The following PGC variants were observed in gnomAD, a reference collection of about 807,000 sequenced individuals.
The protein encoded by PGC is progastricsin.
In PGC, 31 loss-of-function variants were observed where a neutral mutation model predicts 45.9. That is an observed-to-expected ratio of 0.67 (90% confidence interval 0.51 to 0.91). The LOEUF is 0.91. Among genes scored for constraint, PGC ranks in the 40% least tolerant of loss-of-function variants. PGC has a pLI of 0.00. For missense variants in PGC, 477 were observed against 493.2 expected, an observed-to-expected ratio of 0.97 and a Z score of 0.31; for synonymous variants, 192 against 201.8, an observed-to-expected ratio of 0.95 and a Z score of 0.41.
At chr6:41,741,310 G>C (rs1771819931) in intron 5 of PGC, 1 of 1,213,878 alleles carries the variant, frequency 8.2e-7, no homozygotes, top group Non-Finnish European at 1.1e-6. Flanking sequence ...TTGAACTTCA[G>C]ATTCCCCAGA....
rs1467064121 is a variant in PGC, at chr6:41,747,365, G to A, written c.-31C>T. On this transcript the variant is annotated 5_prime_UTR_variant, in exon 1 of 9. Coordinates refer to ENST00000373025, the MANE Select transcript of PGC (RefSeq NM_002630.4). Reference sequence around the variant, plus strand: ...TGGTCCCCAACTGGCCACAGAGGAAGAGCAGCTCTGAGTTCTGCAGTCGCA... The same window carrying A: ...TGGTCCCCAACTGGCCACAGAGGAAAAGCAGCTCTGAGTTCTGCAGTCGCA... 1 of 1,594,002 alleles carries A rather than the reference G, an allele frequency of 6.3e-7. No individual in the cohort carries two copies. Among genetic ancestry groups the A allele is most frequent in the Admixed American group, 1.7e-5 (1 of 59,976 alleles).
chr6:41,741,174 G>A, intron 5 of PGC: 1 of 1,534,664 alleles, frequency 6.5e-7, no homozygotes, highest in South Asian at 1.2e-5. Flanking sequence ...GATATTCCAT[G>A]TTTGTTCCAG....
In PGC at chr6:41,744,437, G is replaced by C; in HGVS notation, c.288C>G (p.Asn96Lys). ...GGCAGTAGACAGAGGGCACCCACAA[G>C]TTGGAGGAGCCGGTGTCAAAAAGGA... Reference protein sequence around the residue: ...FLVLFDTGSSNLWVPSVYCQS... With the variant: ...FLVLFDTGSSKLWVPSVYCQS... The change falls in exon 3 of 9, where the codon AAC (asparagine) becomes AAG (lysine). Residue 96 changes from asparagine (N) to lysine (K), a missense_variant. By Grantham distance (94) the Asn-to-Lys change is moderately conservative. Transcript: ENST00000373025. This position sits in a 1 kb window ranked among gnomAD's most constrained non-coding sequence, Gnocchi z 4.4. The C allele has an allele frequency of 6.2e-7, 1 of 1,613,304 alleles. No individual in the cohort carries two copies. Among genetic ancestry groups the C allele is most frequent in the Non-Finnish European group, 8.5e-7 (1 of 1,179,908 alleles).
chr6:41,741,344 T>C (rs1163612250), intron 5 of PGC: 2 of 979,478 alleles, frequency 2.0e-6, no homozygotes, highest in East Asian at 2.8e-5. Flanking sequence ...GCTAACTGTC[T>C]CTAGAAAGTG....
At chr6:41,738,154 ATACATATATATG>A (rs1561879630) in intron 7 of PGC, among the ~76,000 whole-genome samples, 32 of 40,166 alleles carry the variant, frequency 8.0e-4, no homozygotes, top group African/African-American at 2.3e-3. Context: ...GCATATATAT[ATACATATATATG>A]CATATATATA....
chr6:41,745,106 C>T (rs1296464879), intron 1 of PGC, among the ~76,000 whole-genome samples: 1 of 152,126 alleles, frequency 6.6e-6, no homozygotes, highest in Non-Finnish European at 1.5e-5. Flanking sequence ...GAAAACCATT[C>T]ATTTCACCAT....
At chr6:41,741,723 C>T in intron 5 of PGC, 1 of 1,002,152 alleles carries the variant, frequency 1.0e-6, no homozygotes, top group Admixed American at 2.1e-5. Flanking sequence ...AGGCCCCAGG[C>T]CGCTCACCCC....
Position 41,744,142 on chromosome 6 carries a change from A to G in PGC, c.328+255T>C, listed in dbSNP as rs182805251. Among the ~76,000 whole-genome samples, 95 of 152,244 alleles carry G rather than the reference A, an allele frequency of 6.2e-4. No homozygotes were observed. The highest frequency in any genetic ancestry group is 2.0e-3 in the African/African-American group (84 of 41,554). On this transcript the variant is annotated intron_variant, in intron 3 of 8. Transcript: ENST00000373025. The surrounding 1 kb of genome is among the most constrained non-coding windows in gnomAD (Gnocchi z 4.4). ...TAAACAGAATGGGGAGAGTGGAATA[A>G]AAGGGAGTGGGGAGTTAGGGGCTGG...
intron 1 of PGC, among the ~76,000 whole-genome samples, chr6:41,746,121 C>G (rs940521391): frequency 1.3e-5 from 2 of 151,850 alleles, no homozygotes. Flanking sequence ...GAGATCGCGC[C>G]ATTGCACTGC....
chr6:41,736,767 A>T lies in PGC; in HGVS notation c.*85T>A, dbSNP rs1167190823. The T allele has an allele frequency of 7.3e-7, 1 of 1,365,954 alleles. No homozygotes were observed. Among genetic ancestry groups the T allele is most frequent in the Non-Finnish European group, 1.0e-6 (1 of 954,358 alleles). 84.6% of individuals were successfully genotyped at this position (1,365,954 alleles called of 1,614,324 possible). ...CCAGAGTCCAGAAAAAGAAGGCTGA[A>T]TCCAGAGTGGAAAGACAGATACAAT... is the stretch of plus-strand genomic sequence containing the variant. On this transcript the variant is annotated 3_prime_UTR_variant, in exon 9 of 9. Transcript: ENST00000373025.
chr6:41,738,219 T>TATATGC lies in PGC; in HGVS notation c.916-392_916-391insGCATAT, dbSNP rs1160204706. On this transcript the variant is annotated intron_variant, in intron 7 of 8. Coordinates refer to ENST00000373025, the MANE Select transcript of PGC (RefSeq NM_002630.4). ...ATATATATGCATATATATATGCATA[T>TATATGC]ATATATGCATATATATATGTATATA... is the stretch of plus-strand genomic sequence containing the variant. Among the ~76,000 whole-genome samples, 81 of 44,598 alleles carry TATATGC rather than the reference T, an allele frequency of 1.8e-3. 3 individuals are homozygous for TATATGC. Among genetic ancestry groups the TATATGC allele is most frequent in the African/African-American group, 5.9e-3 (77 of 13,156 alleles). 29.3% of individuals were successfully genotyped at this position (44,598 alleles called of 152,430 possible). A position where few individuals can be genotyped will look rare whatever the true frequency, so the allele number is the denominator to read the frequency against.
chr6:41,738,989 A>G (rs1363676112), intron 7 of PGC, among the ~76,000 whole-genome samples: 1 of 152,126 alleles, frequency 6.6e-6, no homozygotes, highest in African/African-American at 2.4e-5. Context: ...ACAAAAAAAA[A>G]AGAAAAACAC....
At chr6:41,747,254 A>G in intron 1 of PGC, 22 bp downstream of exon 1, 1 of 1,609,908 alleles carries the variant, frequency 6.2e-7, no homozygotes, top group African/African-American at 1.3e-5. Flanking sequence ...TCCCTGCACC[A>G]GCAGCCAGAT....
chr6:41,742,174 G>T, intron 5 of PGC, 116 bp downstream of exon 5: 1 of 933,946 alleles, frequency 1.1e-6, no homozygotes, highest in Non-Finnish European at 1.7e-6. Context: ...ACTGACTGGA[G>T]CCAGATGCCC....
chr6:41,737,973 G>A (rs1310482946), intron 7 of PGC, 145 bp from the exon 8 acceptor site: 2 of 594,826 alleles, frequency 3.4e-6, no homozygotes, highest in Non-Finnish European at 6.1e-6. Context: ...AGCTCCAAGG[G>A]AAAGTCCTGT....
rs774391497 is a variant in PGC at position 41,747,317 on chromosome 6, C to G, written c.18G>C (p.Val6=). 1 of 1,613,824 alleles carries G rather than the reference C, an allele frequency of 6.2e-7. No homozygotes were observed. The highest frequency in any genetic ancestry group is 1.7e-5 in the Admixed American group (1 of 60,000). Residue 6 remains valine (V), a synonymous_variant, in exon 1 of 9, where the codon GTG becomes GTC. Coordinates refer to ENST00000373025, the MANE Select transcript of PGC (RefSeq NM_002630.4). The part of the protein sequence containing the change: MKWMV[V]VLVCLQLLEA... Reference sequence around the variant, plus strand: ...CCAAGAGCTGGAGGCAGACCAAGACCACCACCATCCACTTCATGATGCTGG... The same window carrying G: ...CCAAGAGCTGGAGGCAGACCAAGACGACCACCATCCACTTCATGATGCTGG...
chr6:41,741,696 G>T, intron 5 of PGC: 1 of 768,618 alleles, frequency 1.3e-6, no homozygotes, highest in Non-Finnish European at 2.1e-6. Context: ...TAATTCTGAA[G>T]AAGAACAAAG....
chr6:41,739,704 C>T, intron 7 of PGC, 95 bp downstream of exon 7: 18 of 1,326,752 alleles, frequency 1.4e-5, no homozygotes, highest in Non-Finnish European at 1.9e-5. Context: ...CAGGCATGAG[C>T]CACGGCGCCC....
At chr6:41,738,266 A>ATATATATATGCATATATATATATATG (rs1223190895) in intron 7 of PGC, among the ~76,000 whole-genome samples, 1 of 6,782 alleles carries the variant, frequency 1.5e-4, no homozygotes, top group Admixed American at 1.6e-3. Context: ...ATATATATGC[A>ATATATATATGCATATATATATATATG]CACACACACA....
Sources: allele counts gnomAD v4.1 joint callset (sites outside exome capture counted in the v4.1 genomes callset), GRCh38; gene constraint gnomAD v4.1.1; non-coding constraint Gnocchi (gnomAD v3.1); transcripts MANE v1.5; gene names NCBI Gene and HGNC (gene_info 2026-07-23, HGNC 2026-07-21).